The following TRHR variants were observed in gnomAD, a reference collection of about 807,000 sequenced individuals.
TRHR encodes thyrotropin-releasing hormone receptor.
In TRHR, 14 loss-of-function variants were observed where a neutral mutation model predicts 28.0. That is an observed-to-expected ratio of 0.50 (90% CI 0.33 to 0.78). TRHR has a LOEUF of 0.78. TRHR is among the 30% of genes least tolerant of loss of function. TRHR has a pLI of 0.02. For synonymous variants in TRHR, 176 were observed against 171.9 expected (o/e 1.02, Z -0.18); for missense variants, 438 against 469.5 (o/e 0.93, Z 0.62).
chr8:109,114,573 T>C (rs1162871979), intron 2 of TRHR, among the ~76,000 whole-genome samples: 2 of 152,126 alleles, frequency 1.3e-5, no homozygotes, highest in East Asian at 1.9e-4. Context: ...GAAAAAGAGA[T>C]AGTGTTACTT....
rs369771461 is a variant in TRHR at position 109,119,509 on chromosome 8, T to C, written c.*54T>C. On this transcript the variant is annotated 3_prime_UTR_variant, in exon 3 of 3. Transcript: ENST00000518632. ...AAGAAAATGAGAATCTGTGCAGTCA[T>C]CAACAAAAGGGAGAACATGGCCAAT... 33 of 1,594,174 alleles carry C rather than the reference T, an allele frequency of 2.1e-5. No homozygotes were observed. The Middle Eastern group carries it at 1.3e-3, about 64-fold the overall frequency.
rs1392577556 is a variant in TRHR at position 109,088,288 on chromosome 8, C to T, written c.776C>T (p.Ser259Phe). The change falls in exon 2 of 3, where the codon TCT becomes TTT. Residue 259 changes from serine (S) to phenylalanine (F), a missense_variant. Physicochemically the swap from Ser to Phe is radical, Grantham distance 155 (BLOSUM62 -2). Transcript: ENST00000518632. ...TSNRCFNSTVSSRKQVTKMLA... is the reference protein window; with the variant it reads ...TSNRCFNSTVFSRKQVTKMLA... ...AATAGATGTTTCAACAGCACAGTAT[C>T]TTCAAGGAAGCAGGTAAGCAAAACT... The T allele has an allele frequency of 1.2e-6, 2 of 1,613,630 alleles. No individual in the cohort carries two copies. The highest frequency in any genetic ancestry group is 1.1e-5 in the South Asian group (1 of 91,014).
At chr8:109,101,554 C>G (rs1811676998) in intron 2 of TRHR, among the ~76,000 whole-genome samples, 1 of 152,084 alleles carries the variant, frequency 6.6e-6, no homozygotes, top group Non-Finnish European at 1.5e-5. Context: ...ATATACAGTA[C>G]TTCTCACAGT....
At chr8:109,107,405 GAA>G (rs1026395836) in intron 2 of TRHR, among the ~76,000 whole-genome samples, 2 of 152,140 alleles carry the variant, frequency 1.3e-5, no homozygotes, top group African/African-American at 4.8e-5. Context: ...TTACAAGGCT[GAA>G]ATGTCTTATC....
intron 2 of TRHR, among the ~76,000 whole-genome samples, chr8:109,110,435 T>C (rs1236638307): frequency 6.6e-6 from 1 of 152,012 alleles, no homozygotes; most frequent in African/African-American, 2.4e-5. Flanking sequence ...TCTTTAGCCC[T>C]TCTTCTATTT....
In TRHR at chr8:109,088,120, C is replaced by T; in HGVS notation, c.608C>T (p.Pro203Leu). Reference sequence around the variant, plus strand: ...GACTTTGGTGTCTTTTATGTTGTGCCAATGATCCTGGCTACCGTCCTCTAT... The same window carrying T: ...GACTTTGGTGTCTTTTATGTTGTGCTAATGATCCTGGCTACCGTCCTCTAT... ...LMDFGVFYVV[P>L]MILATVLYGF... Residue 203 changes from proline to leucine, a missense_variant, in exon 2 of 3, where the codon CCA (proline) becomes CTA (leucine). Physicochemically the swap from Pro to Leu is moderately conservative, Grantham distance 98 (BLOSUM62 -3). Coordinates refer to ENST00000518632, the MANE Select transcript of TRHR (RefSeq NM_003301.7). The T allele has an allele frequency of 6.2e-7, 1 of 1,614,136 alleles. No individual in the cohort carries two copies.
At chr8:109,098,835 T>C (rs1189780080) in intron 2 of TRHR, among the ~76,000 whole-genome samples, 3 of 152,188 alleles carry the variant, frequency 2.0e-5, no homozygotes. Context: ...TGGCAGGGTT[T>C]GGTGTTTCTC....
Position 109,087,664 on chromosome 8 carries a change from T to G in TRHR, c.152T>G (p.Met51Arg), listed in dbSNP as rs144587571. Reference protein sequence around the residue: ...VGNIMVVLVVMRTKHMRTPTN... With the variant: ...VGNIMVVLVVRRTKHMRTPTN... ...AACATCATGGTAGTCCTGGTTGTCA[T>G]GAGAACCAAGCACATGAGGACCCCC... The change falls in exon 2 of 3, where the codon ATG becomes AGG. Residue 51 changes from methionine (M) to arginine (R), a missense_variant. Coordinates refer to ENST00000518632, the MANE Select transcript of TRHR (RefSeq NM_003301.7). The G allele has an allele frequency of 2.5e-6, 4 of 1,614,006 alleles. No individual in the cohort carries two copies. The African/African-American group carries it at 4.0e-5, about 16-fold the overall frequency.
intron 2 of TRHR, among the ~76,000 whole-genome samples, chr8:109,105,449 C>T (rs1331387137): frequency 6.6e-6 from 1 of 152,154 alleles, no homozygotes; most frequent in African/African-American, 2.4e-5. Flanking sequence ...ATGTTGAATA[C>T]TTGCACATCT....
At chr8:109,092,942 C>CT (rs540897226) in intron 2 of TRHR, among the ~76,000 whole-genome samples, 99 of 145,396 alleles carry the variant, frequency 6.8e-4, no homozygotes, top group African/African-American at 1.3e-3. Flanking sequence ...TTCACTGGAT[C>CT]TTTTTTTTTT....
At chr8:109,101,319 A>G (rs1328340777) in intron 2 of TRHR, among the ~76,000 whole-genome samples, 2 of 152,042 alleles carry the variant, frequency 1.3e-5, no homozygotes, top group Non-Finnish European at 2.9e-5. Flanking sequence ...GCGGAATAGA[A>G]AGGAGTCAAA....
Position 109,110,926 on chromosome 8 carries a change from C to G in TRHR, c.790-8122C>G, listed in dbSNP as rs1019541790. On this transcript the variant is annotated intron_variant, in intron 2 of 2. Coordinates refer to ENST00000518632, the MANE Select transcript of TRHR (RefSeq NM_003301.7). The stretch of plus-strand genomic sequence containing the variant: ...ATCCCAGCACTTTGGGAGGCCAAGG[C>G]GGGTGAATCACTTGAGATCAGGAGT... 7.1e-4 allele frequency among the ~76,000 whole-genome samples: 108 copies of G among 152,074 alleles called. 1 individual carries two copies. The highest frequency in any genetic ancestry group is 7.4e-5 in the Non-Finnish European group (5 of 68,004).
intron 2 of TRHR, among the ~76,000 whole-genome samples, chr8:109,095,244 G>C: frequency 6.6e-6 from 1 of 152,046 alleles, no homozygotes; most frequent in Non-Finnish European, 1.5e-5. Flanking sequence ...AAACAATTCT[G>C]AGCATACCAC....
intron 2 of TRHR, among the ~76,000 whole-genome samples, chr8:109,107,960 A>C (rs1013921292): frequency 2.0e-5 from 3 of 152,166 alleles, no homozygotes; most frequent in South Asian, 4.1e-4. Flanking sequence ...AGCTAAAATC[A>C]GTGGAAAAGG....
intron 2 of TRHR, among the ~76,000 whole-genome samples, chr8:109,106,562 A>T (rs1811755893): frequency 6.6e-6 from 1 of 152,128 alleles, no homozygotes; most frequent in East Asian, 1.9e-4. Context: ...CTGTAATTGC[A>T]TGCTGCTCTA....
Position 109,119,175 on chromosome 8 carries a change from GA to G in TRHR, c.919del (p.Ile307PhefsTer12), listed in dbSNP as rs745851410. On this transcript the variant is annotated frameshift_variant, in exon 3 of 3. Transcript: ENST00000518632. LOFTEE classifies it high-confidence loss of function. ...GAAAATTGGTTTTTGCTCTTTTGCA[GA>G]ATTTGCATTTATCTCAACAGTGCCA... Reference protein sequence around the residue: ...FQENWFLLFCRICIYLNSAIN... With the variant: ...FQENWFLLFCXICIYLNSAIN... The G allele has an allele frequency of 6.2e-7, 1 of 1,612,822 alleles. No homozygotes were observed. The highest frequency in any genetic ancestry group is 8.5e-7 in the Non-Finnish European group (1 of 1,179,268).
At chr8:109,117,338 T>G (rs1386466332) in intron 2 of TRHR, among the ~76,000 whole-genome samples, 1 of 151,900 alleles carries the variant, frequency 6.6e-6, no homozygotes, top group African/African-American at 2.4e-5. Flanking sequence ...ATAAATTACC[T>G]AAACCTCAAT....
intron 2 of TRHR, among the ~76,000 whole-genome samples, chr8:109,095,274 C>T (rs540249648): frequency 1.0e-3 from 156 of 152,042 alleles, no homozygotes; most frequent in Non-Finnish European, 1.3e-3. Flanking sequence ...TGAGAGAGAA[C>T]GTGGCATCAA....
chr8:109,089,305 G>C (rs911106852), intron 2 of TRHR, among the ~76,000 whole-genome samples: 2 of 141,694 alleles, frequency 1.4e-5, no homozygotes, highest in African/African-American at 5.1e-5. Flanking sequence ...CTTTTAAATG[G>C]GTTGAATTTT....
Sources: gnomAD v4.1 joint callset for allele counts (sites outside exome capture counted in the v4.1 genomes callset) on GRCh38, gnomAD v4.1.1 for gene constraint, MANE v1.5 for transcripts, NCBI Gene and HGNC (gene_info 2026-07-23, HGNC 2026-07-21) for gene names.